The following CATSPERE variants were observed in gnomAD, a reference collection of about 807,000 sequenced individuals.
The protein encoded by CATSPERE is catsper channel auxiliary subunit epsilon, also known as cation channel sperm-associated auxiliary subunit epsilon.
In CATSPERE, 93 loss-of-function variants were observed where a neutral mutation model predicts 114.1. The observed-to-expected ratio is 0.81, with a 90% confidence interval of 0.69 to 0.97. The LOEUF (loss-of-function observed/expected upper bound fraction) is 0.97. CATSPERE is among the 50% of genes least tolerant of loss of function. CATSPERE has a pLI of 0.00. For missense variants in CATSPERE, 1,058 were observed against 1,131.6 expected (o/e 0.93, Z 0.93); for synonymous variants, 341 against 384.1 (o/e 0.89, Z 1.31).
chr1:244,469,913 A>G (rs932302779), intron 2 of CATSPERE, among the ~76,000 whole-genome samples: 5 of 152,140 alleles, frequency 3.3e-5, no homozygotes, highest in African/African-American at 9.7e-5. Flanking sequence ...AAAACCTCAT[A>G]TTTACAGTCA....
At chr1:244,622,530 T>G (rs551579796) in intron 20 of CATSPERE, among the ~76,000 whole-genome samples, 1 of 151,646 alleles carries the variant, frequency 6.6e-6, no homozygotes, top group Non-Finnish European at 1.5e-5. Context: ...CAGCCTCCCG[T>G]GTAGCTGGGA....
chr1:244,516,137 G>A lies in CATSPERE; in HGVS notation c.430-2455G>A, dbSNP rs990583893. Among the ~76,000 whole-genome samples, 8 of 151,896 alleles carry A rather than the reference G, an allele frequency of 5.3e-5. No homozygotes were observed. The South Asian group carries it at 6.2e-4, about 12-fold the overall frequency. On this transcript the variant is annotated intron_variant, in intron 7 of 21. Coordinates refer to ENST00000366534, the MANE Select transcript of CATSPERE (RefSeq NM_001130957.2). ...GCCTGAAAGGCAGAGGTTGCAGTGA[G>A]CTGTGATTGAGCCACTGAGCTCCAG...
chr1:244,603,003 G>C (rs907840634), intron 17 of CATSPERE, among the ~76,000 whole-genome samples: 1 of 152,130 alleles, frequency 6.6e-6, no homozygotes, highest in African/African-American at 2.4e-5. Flanking sequence ...GGAAGGAATA[G>C]GAGAGGCAGG....
intron 7 of CATSPERE, among the ~76,000 whole-genome samples, chr1:244,503,989 T>C (rs1174678958): frequency 6.6e-6 from 1 of 152,270 alleles, no homozygotes; most frequent in Non-Finnish European, 1.5e-5. Context: ...TTCTATGACC[T>C]GGAGATATTT....
chr1:244,581,002 AAATAATAAT>A (rs375831371), intron 11 of CATSPERE, among the ~76,000 whole-genome samples: 1 of 150,956 alleles, frequency 6.6e-6, no homozygotes, highest in Non-Finnish European at 1.5e-5. Context: ...ACTCCATCTC[AAATAATAAT>A]AATAATAATA....
chr1:244,586,408 A>G (rs1022723449), intron 13 of CATSPERE, among the ~76,000 whole-genome samples: 3 of 152,144 alleles, frequency 2.0e-5, no homozygotes, highest in Non-Finnish European at 2.9e-5. Context: ...CAACCCTTAT[A>G]TAGATAATTT....
At chr1:244,628,197 T>C (rs911347779) in intron 20 of CATSPERE, among the ~76,000 whole-genome samples, 1 of 152,270 alleles carries the variant, frequency 6.6e-6, no homozygotes, top group African/African-American at 2.4e-5. Context: ...TAGGTTTGTA[T>C]GTATAGGAAA....
upstream of CATSPERE, among the ~76,000 whole-genome samples, chr1:244,452,588 G>A (rs1286307048): frequency 7.2e-5 from 11 of 152,174 alleles, no homozygotes; most frequent in Non-Finnish European, 1.6e-4. Context: ...TAGTAACAAA[G>A]GCTCAGAGAG....
At chr1:244,519,834 C>A (rs574496244) in intron 8 of CATSPERE, among the ~76,000 whole-genome samples, 1 of 148,136 alleles carries the variant, frequency 6.8e-6, no homozygotes, top group Non-Finnish European at 1.5e-5. Context: ...AGCGCTCAGC[C>A]GCCATATTTG....
intron 8 of CATSPERE, among the ~76,000 whole-genome samples, chr1:244,542,195 C>T (rs1038928428): frequency 6.6e-6 from 1 of 151,872 alleles, no homozygotes; most frequent in Non-Finnish European, 1.5e-5. Context: ...CAACCAAGCC[C>T]TGGTGCTTTC....
intron 5 of CATSPERE, among the ~76,000 whole-genome samples, chr1:244,482,203 A>C (rs1220346249): frequency 6.6e-6 from 1 of 152,240 alleles, no homozygotes; most frequent in African/African-American, 2.4e-5. Context: ...ATTGTGGCTC[A>C]TGCTTGTAAT....
intron 7 of CATSPERE, among the ~76,000 whole-genome samples, chr1:244,510,835 C>CTTTTTTTTTTTT (rs747921082): frequency 0.015 from 709 of 48,256 alleles, no homozygotes; most frequent in Non-Finnish European, 0.019. Flanking sequence ...TTTTCTTTTT[C>CTTTTTTTTTTTT]TTTTTTTTTT....
chr1:244,567,819 T>C (rs1453866967), intron 10 of CATSPERE, among the ~76,000 whole-genome samples: 2 of 152,010 alleles, frequency 1.3e-5, no homozygotes, highest in East Asian at 3.9e-4. Flanking sequence ...TTGTTATTAC[T>C]CCCCTCTGAA....
At chr1:244,507,266 A>G (rs1007680054) in intron 7 of CATSPERE, among the ~76,000 whole-genome samples, 3 of 152,180 alleles carry the variant, frequency 2.0e-5, no homozygotes, top group Non-Finnish European at 4.4e-5. Context: ...CTTTGGATAA[A>G]TACCTAGTAG....
chr1:244,632,861 A>C (rs1484042598), intron 20 of CATSPERE, among the ~76,000 whole-genome samples: 3 of 152,188 alleles, frequency 2.0e-5, no homozygotes, highest in African/African-American at 7.2e-5. Context: ...ACATTGGATA[A>C]AAATATAAGA....
At chr1:244,547,403 A>G (rs966504484) in intron 8 of CATSPERE, among the ~76,000 whole-genome samples, 1 of 152,210 alleles carries the variant, frequency 6.6e-6, no homozygotes, top group African/African-American at 2.4e-5. Flanking sequence ...AGTGGCAAAA[A>G]TAAGTCAAAT....
Position 244,477,633 on chromosome 1 carries a change from A to G in CATSPERE, c.188+19A>G, listed in dbSNP as rs201119445. ...ATAAAAGGTAAGATTTATGCCATGA[A>G]TATCAATGTATGTGTATATTTTTTA... is the stretch of plus-strand genomic sequence containing the variant. On this transcript the variant is annotated intron_variant, in intron 3 of 21. Coordinates refer to ENST00000366534, the MANE Select transcript of CATSPERE (RefSeq NM_001130957.2). 2,017 of 1,415,186 alleles carry G rather than the reference A, an allele frequency of 1.4e-3. 45 individuals carry two copies. The South Asian group carries it at 0.022, about 15-fold the overall frequency. 87.7% of individuals were successfully genotyped at this position (1,415,186 alleles called of 1,614,324 possible).
Position 244,537,105 on chromosome 1 carries a change from C to T in CATSPERE, c.537-15217C>T, listed in dbSNP as rs182185465. ...AGTAGAAATAATGAGAGGAGACATC[C>T]TTGTCGTGTAGGCAATCTTAGGAGG... is the stretch of plus-strand genomic sequence containing the variant. On this transcript the variant is annotated intron_variant, in intron 8 of 21. Coordinates refer to ENST00000366534, the MANE Select transcript of CATSPERE (RefSeq NM_001130957.2). Among the ~76,000 whole-genome samples the T allele has an allele frequency of 1.0e-3, 154 of 152,284 alleles. 1 individual carries two copies. The highest frequency in any genetic ancestry group is 2.5e-3 in the Admixed American group (38 of 15,300).
chr1:244,622,148 A>G lies in CATSPERE; in HGVS notation c.2648+4462A>G, dbSNP rs561553497. Among the ~76,000 whole-genome samples the G allele has an allele frequency of 3.3e-5, 5 of 152,308 alleles. No individual in the cohort carries two copies. In the South Asian group the frequency reaches 1.0e-3, roughly 32 times the overall value. On this transcript the variant is annotated intron_variant, in intron 20 of 21. Coordinates refer to ENST00000366534, the MANE Select transcript of CATSPERE (RefSeq NM_001130957.2). ...TGTGGCCTTTATGGTGGCAGAGTTT[A>G]CCACTACCAACACACCGTAAGGTTT...
Sources: allele counts gnomAD v4.1 joint callset (sites outside exome capture counted in the v4.1 genomes callset), GRCh38; gene constraint gnomAD v4.1.1; transcripts MANE v1.5; gene names NCBI Gene and HGNC (gene_info 2026-07-23, HGNC 2026-07-21).